Variants in CCND3 observed in about 807,000 individuals in gnomAD.
CCND3 encodes the protein cyclin D3, also known as G1/S-specific cyclin-D3.
A neutral mutation model predicts 28.7 loss-of-function variants in CCND3; 9 were observed. That is an observed-to-expected ratio of 0.31 (90% confidence interval 0.19 to 0.55). The LOEUF (loss-of-function observed/expected upper bound fraction) is 0.55, where lower values mean the gene tolerates loss of function less well. CCND3 is among the 20% of genes least tolerant of loss of function. CCND3 has a pLI of 0.93. For synonymous variants in CCND3, 164 were observed against 163.9 expected, an observed-to-expected ratio of 1.00 and a Z score of 0.00; for missense variants, 315 against 385.8, an observed-to-expected ratio of 0.82 and a Z score of 1.54.
At chr6:41,974,792 C>CTT (rs762947208) in intron 1 of CCND3, among the ~76,000 whole-genome samples, 70,820 of 125,318 alleles carry the variant, frequency 0.57, 20,954 homozygotes, top group Admixed American at 0.62. Flanking sequence ...CCCCACAGTT[C>CTT]TTTTTTTTTT....
intron 1 of CCND3, among the ~76,000 whole-genome samples, chr6:42,036,403 ATTTTTTTTTTTT>A (rs57849655): frequency 3.2e-5 from 1 of 31,320 alleles, no homozygotes; most frequent in African/African-American, 1.4e-4. Context: ...ATATATATAT[ATTTTTTTTTTTT>A]TTTTTTTTTT....
Position 42,048,954 on chromosome 6 carries a change from T to C in CCND3, c.-499A>G, listed in dbSNP as rs1764636367. The stretch of plus-strand genomic sequence containing the variant: ...GCGGCGGGGCCGGGGCAGCACGGGT[T>C]CCCGGACCGCTGCCTCCCGGCGTTG... On this transcript the variant is annotated 5_prime_UTR_variant, in exon 1 of 5. Transcript: ENST00000372988. This position sits in a 1 kb window ranked among gnomAD's most constrained non-coding sequence, Gnocchi z 4.7. The C allele has an allele frequency of 5.0e-6, 1 of 201,932 alleles. No homozygotes were observed. The highest frequency in any genetic ancestry group is 2.4e-5 in the African/African-American group (1 of 41,790). The allele number at this position is 201,932 out of a possible 1,614,324, so 12.5% of individuals were successfully genotyped here. A position where few individuals can be genotyped will look rare whatever the true frequency, so the allele number is the denominator to read the frequency against.
intron 1 of CCND3, among the ~76,000 whole-genome samples, chr6:41,964,274 G>T (rs1464038263): frequency 6.6e-6 from 1 of 150,948 alleles, no homozygotes; most frequent in South Asian, 2.1e-4. Flanking sequence ...TTCCTCCAGC[G>T]TGTGTATGTG....
chr6:41,985,249 C>A (rs1762452525), intron 1 of CCND3, among the ~76,000 whole-genome samples: 1 of 149,178 alleles, frequency 6.7e-6, no homozygotes, highest in Admixed American at 6.7e-5. Context: ...TGTCAAGAAG[C>A]TTTCTCCCTA....
At position 42,048,855 on chromosome 6, in the gene CCND3, C is replaced by G. The variant is rs936295974; in HGVS notation, c.-400G>C. ...AGGCCAGGAGGCTCATCCGGCGCCG[C>G]GCACCCCCGCCCGCAGCCCCCGCCC... On this transcript the variant is annotated 5_prime_UTR_variant, in exon 1 of 5. Coordinates refer to the CCND3 transcript ENST00000372988. The surrounding 1 kb of genome is among the most constrained non-coding windows in gnomAD (Gnocchi z 4.7). The G allele has an allele frequency of 1.6e-5, 5 of 316,186 alleles. No homozygotes were observed. The highest frequency in any genetic ancestry group is 2.4e-5 in the Non-Finnish European group (4 of 165,774). The allele number at this position is 316,186 out of a possible 1,614,324, so 19.6% of individuals were successfully genotyped here.
At position 41,935,831 on chromosome 6, in the gene CCND3, GA is replaced by G; in HGVS notation, c.*108del. The G allele has an allele frequency of 9.3e-7, 1 of 1,076,444 alleles. No homozygotes were observed. The highest frequency in any genetic ancestry group is 2.6e-5 in the East Asian group (1 of 38,694). The allele number at this position is 1,076,444 out of a possible 1,614,324, so 66.7% of individuals were successfully genotyped here. On this transcript the variant is annotated 3_prime_UTR_variant, in exon 5 of 5. Transcript: ENST00000372991. ...AGATCCCTTGGGCTTTGTGAAGGGG[GA>G]ACAGACGCCCCTTCAGGCTTAGATG...
intron 1 of CCND3, among the ~76,000 whole-genome samples, chr6:41,953,240 G>A (rs1776356827): frequency 6.8e-6 from 1 of 147,388 alleles, no homozygotes; most frequent in Admixed American, 6.9e-5. Flanking sequence ...ACTCCAGCCT[G>A]GGTGACAGAG....
At chr6:41,976,124 G>A (rs926914793) in intron 1 of CCND3, among the ~76,000 whole-genome samples, 1 of 152,108 alleles carries the variant, frequency 6.6e-6, no homozygotes, top group Non-Finnish European at 1.5e-5. Flanking sequence ...GGCTGAGGTG[G>A]GCGGATCACC....
At chr6:42,047,791 T>A (rs1344869546) in intron 1 of CCND3, among the ~76,000 whole-genome samples, 2 of 152,234 alleles carry the variant, frequency 1.3e-5, no homozygotes, top group African/African-American at 2.4e-5. Flanking sequence ...AAGACTTCTA[T>A]GCTTTTCATC....
At chr6:41,990,774 G>A (rs1270885613) in intron 1 of CCND3, among the ~76,000 whole-genome samples, 1 of 149,708 alleles carries the variant, frequency 6.7e-6, no homozygotes, top group Non-Finnish European at 1.5e-5. Flanking sequence ...TCTGCCTCCG[G>A]AGTTCAAGTG....
upstream of CCND3, among the ~76,000 whole-genome samples, chr6:41,946,457 C>T (rs113116955): frequency 0.03 from 4,469 of 151,466 alleles, 105 homozygotes; most frequent in East Asian, 0.064. Flanking sequence ...AAAAATTAGC[C>T]GAACGCAGTG....
intron 1 of CCND3, among the ~76,000 whole-genome samples, chr6:41,970,965 G>T (rs9471700): frequency 0.99 from 151,261 of 152,068 alleles, 75,231 homozygotes; most frequent in Middle Eastern, 1. Context: ...TCACCAAGGC[G>T]GGAGTGCAGT....
intron 1 of CCND3, among the ~76,000 whole-genome samples, chr6:42,002,822 C>G (rs926531428): frequency 1.3e-5 from 2 of 151,748 alleles, no homozygotes; most frequent in Non-Finnish European, 2.9e-5. Flanking sequence ...ATACTGCACT[C>G]CAGCCTGGGC....
At chr6:41,984,382 TG>T (rs1208645020) in intron 1 of CCND3, among the ~76,000 whole-genome samples, 1 of 152,198 alleles carries the variant, frequency 6.6e-6, no homozygotes, top group Admixed American at 6.5e-5. Flanking sequence ...GTTTCGCTCT[TG>T]TTGCCCAGGC....
Position 41,941,718 on chromosome 6 carries a change from A to AGCGCGGG in CCND3, c.-76_-70dup. 1 of 1,161,310 alleles carries AGCGCGGG rather than the reference A, an allele frequency of 8.6e-7. No individual in the cohort carries two copies. The highest frequency in any genetic ancestry group is 1.1e-6 in the Non-Finnish European group (1 of 904,366). 71.9% of individuals were successfully genotyped at this position (1,161,310 alleles called of 1,614,324 possible). On this transcript the variant is annotated 5_prime_UTR_variant, in exon 1 of 5. Transcript: ENST00000372991. This position sits in a 1 kb window ranked among gnomAD's most constrained non-coding sequence, Gnocchi z 6.1. ...TCCCAAGGCAGGCGACGGGCCGGAG[A>AGCGCGGG]GCGCGGGGCGCGGGTCTGGCGCTGG...
At chr6:41,950,468 G>A (rs140063600) in intron 1 of CCND3, among the ~76,000 whole-genome samples, 8 of 152,168 alleles carry the variant, frequency 5.3e-5, no homozygotes, top group Non-Finnish European at 8.8e-5. Flanking sequence ...TAACTTTTCC[G>A]TCCCAGCCTT....
chr6:42,006,681 G>A (rs1361971405), intron 1 of CCND3, among the ~76,000 whole-genome samples: 3 of 152,270 alleles, frequency 2.0e-5, no homozygotes, highest in Middle Eastern at 3.4e-3. Context: ...GGCTGAGGCG[G>A]GTGGGTCACG....
chr6:42,018,408 A>G (rs1283725131), intron 1 of CCND3: 1 of 151,864 alleles, frequency 6.6e-6, no homozygotes, highest in Non-Finnish European at 1.5e-5. Flanking sequence ...TTAGCCAGGA[A>G]AAAATACGGA....
intron 1 of CCND3, among the ~76,000 whole-genome samples, chr6:42,031,004 TG>T (rs1195861668): frequency 1.3e-5 from 2 of 152,110 alleles, no homozygotes; most frequent in African/African-American, 4.8e-5. Flanking sequence ...CTCATTCTCC[TG>T]GGGGCACAGC....
Sources: gnomAD v4.1 joint callset for allele counts (sites outside exome capture counted in the v4.1 genomes callset) on GRCh38, gnomAD v4.1.1 for gene constraint, Gnocchi (gnomAD v3.1) non-coding constraint, MANE v1.5 for transcripts, NCBI Gene and HGNC (gene_info 2026-07-23, HGNC 2026-07-21) for gene names.